The following LY6E variants were observed in gnomAD, a reference collection of about 807,000 sequenced individuals.
LY6E encodes lymphocyte antigen 6 family member E.
In LY6E, 4 loss-of-function variants were observed where a neutral mutation model predicts 7.7. That is an observed-to-expected ratio of 0.52 (90% CI 0.25 to 1.18). The LOEUF (loss-of-function observed/expected upper bound fraction) is 1.18, where lower values mean the gene tolerates loss of function less well. LY6E is among the 50% of genes most tolerant of loss of function. The pLI, the probability that LY6E is intolerant of heterozygous loss-of-function variation, is 0.14. For synonymous variants in LY6E, 81 were observed against 80.1 expected (o/e 1.01, Z -0.06); for missense variants, 156 against 168.0 (o/e 0.93, Z 0.40).
At chr8:143,020,846 G>A in intron 1 of LY6E, 37 bp from the exon 2 acceptor site, 2 of 1,193,818 alleles carry the variant, frequency 1.7e-6, no homozygotes, top group South Asian at 2.7e-5. Context: ...GGAGGAGTGA[G>A]GCACCACCCG....
chr8:143,019,343 C>T (rs1819157420), intron 1 of LY6E, among the ~76,000 whole-genome samples: 1 of 152,232 alleles, frequency 6.6e-6, no homozygotes, highest in Non-Finnish European at 1.5e-5. Context: ...CCATGGCCCA[C>T]CCGGCCTTCC....
Position 143,022,165 on chromosome 8 carries a change from C to T in LY6E, c.*376C>T, listed in dbSNP as rs770998009. The T allele has an allele frequency of 4.0e-5, 11 of 271,708 alleles. No homozygotes were observed. Among genetic ancestry groups the T allele is most frequent in the Admixed American group, 2.5e-4 (5 of 19,872 alleles). The allele number at this position is 271,708 out of a possible 1,614,324, so 16.8% of individuals were successfully genotyped here. A position where few individuals can be genotyped will look rare whatever the true frequency, so the allele number is the denominator to read the frequency against. ...TGGGTGTGCAGTGCACGTGAGAGCA[C>T]GTGGCGGCTTCTGGGGGCCATGTTT... On this transcript the variant is annotated 3_prime_UTR_variant, in exon 4 of 4. Coordinates refer to ENST00000292494, the MANE Select transcript of LY6E (RefSeq NM_002346.3).
At chr8:143,020,856 G>A (rs769174140) in intron 1 of LY6E, 27 bp from the exon 2 acceptor site, 32 of 1,332,832 alleles carry the variant, frequency 2.4e-5, no homozygotes, top group South Asian at 1.0e-4. Flanking sequence ...GGCACCACCC[G>A]GCCCCCTAAC....
intron 2 of LY6E, 146 bp from the exon 3 acceptor site, chr8:143,021,168 G>T (rs986492588): frequency 5.1e-5 from 65 of 1,278,298 alleles, no homozygotes; most frequent in Non-Finnish European, 6.9e-5. Flanking sequence ...TGACCTGCTC[G>T]ACGGCCAGGG....
intron 1 of LY6E, 153 bp downstream of exon 1, chr8:143,018,739 GC>G (rs1819134295): frequency 6.6e-6 from 1 of 152,264 alleles, no homozygotes. Context: ...GTGGGAGAGA[GC>G]AAGAGGGGCG....
intron 1 of LY6E, among the ~76,000 whole-genome samples, chr8:143,019,837 C>G (rs1819173547): frequency 6.6e-6 from 1 of 152,218 alleles, no homozygotes; most frequent in African/African-American, 2.4e-5. Flanking sequence ...CCTCCCCCTC[C>G]AACACCATGC....
At position 143,021,644 on chromosome 8, in the gene LY6E, G is replaced by T. The variant is rs1819227239; in HGVS notation, c.251G>T (p.Gly84Val). ...CCCATCCCAGAAGGCGTCAATGTTG[G>T]TGTGGCTTCCATGGGCATCAGCTGC... ...ACPIPEGVNV[G>V]VASMGISCCQ... Residue 84 changes from glycine to valine, a missense_variant, in exon 4 of 4, where the codon GGT (glycine) becomes GTT (valine). Gly to Val is a moderately radical substitution (Grantham distance 109). Coordinates refer to ENST00000292494, the MANE Select transcript of LY6E (RefSeq NM_002346.3). 2 of 1,613,986 alleles carry T rather than the reference G, an allele frequency of 1.2e-6. No individual in the cohort carries two copies. The highest frequency in any genetic ancestry group is 1.7e-6 in the Non-Finnish European group (2 of 1,180,030).
At chr8:143,021,257 C>T in intron 2 of LY6E, 57 bp from the exon 3 acceptor site, 1 of 1,587,598 alleles carries the variant, frequency 6.3e-7, no homozygotes, top group South Asian at 1.1e-5. Context: ...CCACTGGGGT[C>T]AGGCCTGGGA....
Position 143,021,886 on chromosome 8 carries a change from C to G in LY6E, c.*97C>G, listed in dbSNP as rs1242365024. The G allele has an allele frequency of 8.8e-7, 1 of 1,135,316 alleles. No individual in the cohort carries two copies. Among genetic ancestry groups the G allele is most frequent in the Admixed American group, 2.6e-5 (1 of 38,964 alleles). 70.3% of individuals were successfully genotyped at this position (1,135,316 alleles called of 1,614,324 possible). A position where few individuals can be genotyped will look rare whatever the true frequency, so the allele number is the denominator to read the frequency against. On this transcript the variant is annotated 3_prime_UTR_variant, in exon 4 of 4. Coordinates refer to ENST00000292494, the MANE Select transcript of LY6E (RefSeq NM_002346.3). ...ATGGGAGCCCCTGACTCCTCACGTG[C>G]CTGATCTGTGCCCTTGGTCCCAGGT...
intron 2 of LY6E, 128 bp downstream of exon 2, chr8:143,021,119 G>A: frequency 7.9e-7 from 1 of 1,260,776 alleles, no homozygotes. Flanking sequence ...GGCTCACCCG[G>A]CCTGGCCACA....
At chr8:143,021,162 C>A in intron 2 of LY6E, 152 bp from the exon 3 acceptor site, 1 of 1,258,230 alleles carries the variant, frequency 7.9e-7, no homozygotes, top group Non-Finnish European at 1.1e-6. Context: ...GTCGCTTGAC[C>A]TGCTCGACGG....
intron 1 of LY6E, chr8:143,018,965 G>C (rs1378727312): frequency 6.6e-6 from 1 of 152,238 alleles, no homozygotes; most frequent in African/African-American, 2.4e-5. Flanking sequence ...GCTCCTCTAC[G>C]TGGGCCGGGA....
rs749641608 is a variant in LY6E, at chr8:143,021,004, T to G, written c.52+13T>G. ...GGTGTGGAGCGAGGTGAGGTGCCCT[T>G]GGGGACCCCAGACCTTTGTCCAGCT... is the stretch of plus-strand genomic sequence containing the variant. On this transcript the variant is annotated intron_variant, in intron 2 of 3. Transcript: ENST00000292494. The G allele has an allele frequency of 1.9e-6, 3 of 1,612,350 alleles. No homozygotes were observed. Among genetic ancestry groups the G allele is most frequent in the East Asian group, 4.5e-5 (2 of 44,804 alleles).
At chr8:143,019,276 T>A (rs1586613553) in intron 1 of LY6E, among the ~76,000 whole-genome samples, 1 of 152,166 alleles carries the variant, frequency 6.6e-6, no homozygotes, top group Non-Finnish European at 1.5e-5. Flanking sequence ...GCCATGAGCC[T>A]GCAGCCTGGG....
At chr8:143,020,038 G>C (rs1170757106) in intron 1 of LY6E, among the ~76,000 whole-genome samples, 1 of 152,144 alleles carries the variant, frequency 6.6e-6, no homozygotes, top group African/African-American at 2.4e-5. Context: ...GGGAGTAGCA[G>C]ATACTGAGTG....
At chr8:143,019,226 C>T (rs1462772261) in intron 1 of LY6E, 1 of 152,300 alleles carries the variant, frequency 6.6e-6, no homozygotes, top group Non-Finnish European at 1.5e-5. Flanking sequence ...CCCCTAGATA[C>T]CTGGCTCCCA....
intron 1 of LY6E, 98 bp from the exon 2 acceptor site, chr8:143,020,785 C>T: frequency 1.5e-6 from 1 of 658,696 alleles, no homozygotes; most frequent in Non-Finnish European, 2.7e-6. Context: ...CAGGTCCCTT[C>T]CCCTCTGCTG....
In LY6E at chr8:143,021,644, G is replaced by A; in HGVS notation, c.251G>A (p.Gly84Asp). 1 of 1,613,986 alleles carries A rather than the reference G, an allele frequency of 6.2e-7. No individual in the cohort carries two copies. The highest frequency in any genetic ancestry group is 8.5e-7 in the Non-Finnish European group (1 of 1,180,030). ...ACPIPEGVNV[G>D]VASMGISCCQ... ...CCCATCCCAGAAGGCGTCAATGTTG[G>A]TGTGGCTTCCATGGGCATCAGCTGC... Residue 84 changes from glycine (G) to aspartate (D), a missense_variant, in exon 4 of 4, where the codon GGT (glycine) becomes GAT (aspartate). Coordinates refer to ENST00000292494, the MANE Select transcript of LY6E (RefSeq NM_002346.3).
At position 143,021,806 on chromosome 8, in the gene LY6E, C is replaced by T; in HGVS notation, c.*17C>T. On this transcript the variant is annotated 3_prime_UTR_variant, in exon 4 of 4. Coordinates refer to ENST00000292494, the MANE Select transcript of LY6E (RefSeq NM_002346.3). ...GGCCCCTGACCGCCCAGACCCTGTC[C>T]CCCGATCCCCCAGCTCAGGAAGGAA... is the stretch of plus-strand genomic sequence containing the variant. 6.3e-7 allele frequency: 1 copy of T among 1,578,236 alleles called. No homozygotes were observed. Among genetic ancestry groups the T allele is most frequent in the Non-Finnish European group, 8.6e-7 (1 of 1,164,886 alleles).
Sources: gnomAD v4.1 joint callset for allele counts (sites outside exome capture counted in the v4.1 genomes callset) on GRCh38, gnomAD v4.1.1 for gene constraint, MANE v1.5 for transcripts, NCBI Gene and HGNC (gene_info 2026-07-23, HGNC 2026-07-21) for gene names.